Variants in WDR7 observed in about 807,000 individuals in gnomAD.
WDR7 encodes the protein WD repeat-containing protein 7.
Under a neutral mutation model 169.4 loss-of-function variants are expected in WDR7, and 46 were observed. The ratio of observed to expected loss-of-function variants is 0.27; its 90% CI spans 0.21 to 0.35. The LOEUF (loss-of-function observed/expected upper bound fraction) is 0.35, where lower values mean the gene tolerates loss of function less well. WDR7 is among the 10% of genes least tolerant of loss of function. The probability of loss-of-function intolerance (pLI) is 1.00; values close to 1 mark genes in which losing one functional copy is unlikely to be tolerated. For synonymous variants in WDR7, 612 were observed against 666.8 expected, an observed-to-expected ratio of 0.92 and a Z score of 1.27; for missense variants, 1,534 against 1,859.3, an observed-to-expected ratio of 0.83 and a Z score of 3.22.
chr18:56,681,339 A>T lies in WDR7; in HGVS notation c.293A>T (p.Asp98Val). 3 of 1,595,416 alleles carry T rather than the reference A, an allele frequency of 1.9e-6. No homozygotes were observed. The highest frequency in any genetic ancestry group is 2.6e-6 in the Non-Finnish European group (3 of 1,175,024). Reference protein sequence around the residue: ...SGEMCLWDVSDGRCIEFTKLA... With the variant: ...SGEMCLWDVSVGRCIEFTKLA... Reference sequence around the variant, plus strand: ...GAGATGTGCCTCTGGGATGTGAGTGATGGCAGATGTATTGAATTTACAAAA... The same window carrying T: ...GAGATGTGCCTCTGGGATGTGAGTGTTGGCAGATGTATTGAATTTACAAAA... The change falls in exon 4 of 28, where the codon GAT becomes GTT. Residue 98 changes from aspartate to valine, a missense_variant. Coordinates refer to ENST00000254442, the MANE Select transcript of WDR7 (RefSeq NM_015285.3).
chr18:56,758,775 C>T (rs1335953684), intron 15 of WDR7, 90 bp from the exon 16 acceptor site: 28 of 886,366 alleles, frequency 3.2e-5, no homozygotes, highest in Admixed American at 2.4e-4. Flanking sequence ...TTTTGTGATT[C>T]GTTTAGAAGT....
At chr18:56,774,937 A>G (rs1409909795) in intron 16 of WDR7, among the ~76,000 whole-genome samples, 1 of 152,136 alleles carries the variant, frequency 6.6e-6, no homozygotes, top group Non-Finnish European at 1.5e-5. Flanking sequence ...GACTTCAAAA[A>G]TACAATATCG....
intron 19 of WDR7, among the ~76,000 whole-genome samples, chr18:56,802,302 A>G (rs1480732508): frequency 1.3e-5 from 2 of 149,192 alleles, no homozygotes; most frequent in Admixed American, 6.6e-5. Flanking sequence ...TTTTCTTACC[A>G]TAGTTAGAAT....
intron 1 of WDR7, among the ~76,000 whole-genome samples, chr18:56,656,572 G>T (rs774338329): frequency 8.6e-6 from 1 of 116,304 alleles, no homozygotes; most frequent in African/African-American, 3.0e-5. Context: ...GAGCCACTGC[G>T]CCCGGCCACT....
chr18:56,895,897 A>C (rs898635477), intron 21 of WDR7, among the ~76,000 whole-genome samples: 9 of 151,970 alleles, frequency 5.9e-5, no homozygotes, highest in African/African-American at 2.2e-4. Context: ...CATCATTCTT[A>C]TAATAACTAG....
intron 21 of WDR7, among the ~76,000 whole-genome samples, chr18:56,921,591 C>T (rs1382684916): frequency 6.6e-6 from 1 of 152,134 alleles, no homozygotes; most frequent in Non-Finnish European, 1.5e-5. Context: ...ACAGTGAGGC[C>T]ATGCTTGACA....
intron 20 of WDR7, 122 bp downstream of exon 20, chr18:56,816,266 G>C (rs1480575525): frequency 5.1e-6 from 4 of 783,336 alleles, no homozygotes; most frequent in Non-Finnish European, 7.8e-6. Flanking sequence ...TACTGATGGT[G>C]TATTTAGTTT....
At chr18:56,771,892 G>GA (rs142906249) in intron 16 of WDR7, among the ~76,000 whole-genome samples, 36 of 146,166 alleles carry the variant, frequency 2.5e-4, no homozygotes, top group East Asian at 2.2e-3. Context: ...CAAAGAAGAA[G>GA]AAAAAAAAAA....
intron 26 of WDR7, among the ~76,000 whole-genome samples, chr18:56,970,668 T>C (rs1338157675): frequency 6.6e-6 from 1 of 152,118 alleles, no homozygotes; most frequent in Non-Finnish European, 1.5e-5. Flanking sequence ...GAACTTATAC[T>C]GACACATTGT....
intron 2 of WDR7, among the ~76,000 whole-genome samples, chr18:56,677,224 A>G (rs1598953797): frequency 6.6e-6 from 1 of 152,252 alleles, no homozygotes; most frequent in Non-Finnish European, 1.5e-5. Context: ...TTTCTCTTTC[A>G]GGCTTCAGGG....
chr18:56,940,133 TGAA>T (rs1213685643), intron 25 of WDR7, among the ~76,000 whole-genome samples: 1 of 152,122 alleles, frequency 6.6e-6, no homozygotes, highest in Non-Finnish European at 1.5e-5. Flanking sequence ...TTAAATCTGT[TGAA>T]GATAATTGTT....
rs2045956567 is a variant in WDR7 at position 56,871,774 on chromosome 18, TATA to T, written c.3305-8167_3305-8165del. Among the ~76,000 whole-genome samples the T allele has an allele frequency of 2.0e-5, 3 of 152,218 alleles. No individual in the cohort carries two copies. In the South Asian group the frequency reaches 6.2e-4, roughly 32 times the overall value. The stretch of plus-strand genomic sequence containing the variant: ...ATTGTTATGTTAACACAAATCTTAA[TATA>T]ATGTGTTGGGTTAAAAAAATCCTAA... On this transcript the variant is annotated intron_variant, in intron 20 of 27. Coordinates refer to ENST00000254442, the MANE Select transcript of WDR7 (RefSeq NM_015285.3).
intron 21 of WDR7, among the ~76,000 whole-genome samples, chr18:56,920,242 T>C (rs1179941804): frequency 1.3e-5 from 2 of 152,156 alleles, no homozygotes; most frequent in African/African-American, 4.8e-5. Flanking sequence ...TACTTATTTT[T>C]AAGGTTGTGG....
intron 14 of WDR7, among the ~76,000 whole-genome samples, chr18:56,738,788 G>C (rs1408263617): frequency 7.8e-6 from 1 of 128,820 alleles, no homozygotes; most frequent in Non-Finnish European, 1.6e-5. Context: ...CATTTAGATA[G>C]CATAAAATCC....
At chr18:56,952,199 T>C (rs1413164315) in intron 25 of WDR7, among the ~76,000 whole-genome samples, 2 of 152,226 alleles carry the variant, frequency 1.3e-5, no homozygotes, top group Admixed American at 6.5e-5. Context: ...CCTGTGGGAC[T>C]GCCTCTGGTG....
intron 21 of WDR7, chr18:56,891,031 C>T (rs1298266486): frequency 1.3e-5 from 2 of 152,106 alleles, no homozygotes; most frequent in East Asian, 3.9e-4. Context: ...TTTAAAACTT[C>T]ATATGTAATT....
intron 26 of WDR7, among the ~76,000 whole-genome samples, chr18:56,975,015 G>A (rs2047544332): frequency 6.6e-6 from 1 of 152,048 alleles, no homozygotes; most frequent in Non-Finnish European, 1.5e-5. Context: ...TGAGGCGGGT[G>A]GATCACGGGG....
chr18:56,839,647 G>A (rs1599090159), intron 20 of WDR7, among the ~76,000 whole-genome samples: 1 of 152,154 alleles, frequency 6.6e-6, no homozygotes, highest in East Asian at 1.9e-4. Flanking sequence ...GAAGACCATG[G>A]CAATCAGCCA....
At chr18:56,868,420 A>T (rs1290549692) in intron 20 of WDR7, among the ~76,000 whole-genome samples, 1 of 152,168 alleles carries the variant, frequency 6.6e-6, no homozygotes, top group Non-Finnish European at 1.5e-5. Flanking sequence ...AAGTGAATCC[A>T]GTAAATGATT....
Sources: gnomAD v4.1 joint callset for allele counts (sites outside exome capture counted in the v4.1 genomes callset) on GRCh38, gnomAD v4.1.1 for gene constraint, MANE v1.5 for transcripts, NCBI Gene and HGNC (gene_info 2026-07-23, HGNC 2026-07-21) for gene names.